DCAF1: variants seen among roughly 807,000 people sequenced by gnomAD.
DCAF1 encodes DDB1 and CUL4 associated factor 1, also known as DDB1- and CUL4-associated factor 1.
Under a neutral mutation model 128.0 loss-of-function variants are expected in DCAF1, and 15 were observed. The observed-to-expected ratio is 0.12, with a 90% CI of 0.08 to 0.18. The LOEUF is 0.18. Among genes scored for constraint, DCAF1 ranks in the 10% least tolerant of loss-of-function variants. The pLI is 1.00. For missense variants in DCAF1, 988 were observed against 1,649.5 expected, an observed-to-expected ratio of 0.60 and a Z score of 6.95; for synonymous variants, 610 against 603.0, an observed-to-expected ratio of 1.01 and a Z score of -0.17.
At chr3:51,485,901 T>A (rs1553655222) in intron 2 of DCAF1, among the ~76,000 whole-genome samples, 4 of 151,490 alleles carry the variant, frequency 2.6e-5, no homozygotes, top group African/African-American at 4.8e-5. Flanking sequence ...TTTTTTTTTT[T>A]TTTTTTTTTG....
intron 3 of DCAF1, among the ~76,000 whole-genome samples, chr3:51,474,817 C>G (rs1174490167): frequency 6.9e-6 from 1 of 145,706 alleles, no homozygotes; most frequent in Non-Finnish European, 1.5e-5. Flanking sequence ...TGGAGTCTCA[C>G]TCTGTCGCCC....
In DCAF1 at chr3:51,414,806, G is replaced by T. The variant is rs1698731949; in HGVS notation, c.3655C>A (p.Leu1219Ile). 1 of 1,614,050 alleles carries T rather than the reference G, an allele frequency of 6.2e-7. No homozygotes were observed. Among genetic ancestry groups the T allele is most frequent in the Non-Finnish European group, 8.5e-7 (1 of 1,179,906 alleles). Reference sequence around the variant, plus strand: ...CAGTTCCTCTTGTAGTTGTTGGCAAGATCTGGGTTAAACAGAGTCAACAGC... The same window carrying T: ...CAGTTCCTCTTGTAGTTGTTGGCAATATCTGGGTTAAACAGAGTCAACAGC... Reference protein sequence around the residue: ...NKLLTLFNPDLANNYKRNCAT... With the variant: ...NKLLTLFNPDIANNYKRNCAT... The change falls in exon 19 of 25, where the codon CTT (leucine) becomes ATT (isoleucine). Residue 1219 changes from leucine to isoleucine, a missense_variant. Physicochemically the swap from Leu to Ile is conservative, Grantham distance 5. Coordinates refer to ENST00000684031, the MANE Select transcript of DCAF1 (RefSeq NM_001387579.1).
Position 51,453,371 on chromosome 3 carries a change from T to C in DCAF1, c.376-9468A>G, listed in dbSNP as rs140470517. Among the ~76,000 whole-genome samples the C allele has an allele frequency of 3.0e-3, 462 of 152,210 alleles. 1 individual carries two copies. The highest frequency in any genetic ancestry group is 5.3e-3 in the Non-Finnish European group (363 of 68,004). ...GGCTGGGTGCAGTAGCTCATTCCTA[T>C]AATCCCAGCACTTTGGGAGGCTGAG... On this transcript the variant is annotated intron_variant, in intron 6 of 24. Transcript: ENST00000684031.
chr3:51,411,982 G>A (rs1698465380), intron 23 of DCAF1, among the ~76,000 whole-genome samples: 1 of 151,634 alleles, frequency 6.6e-6, no homozygotes. Context: ...GCGTGGTGGT[G>A]GGCACCTGTA....
chr3:51,454,205 G>C (rs1465624170), intron 6 of DCAF1, among the ~76,000 whole-genome samples: 4 of 152,084 alleles, frequency 2.6e-5, no homozygotes, highest in Admixed American at 2.6e-4. Flanking sequence ...ACCGTGCCCA[G>C]CTAATGATTT....
At chr3:51,489,927 G>C (rs1707438914) in intron 2 of DCAF1, among the ~76,000 whole-genome samples, 2 of 151,806 alleles carry the variant, frequency 1.3e-5, no homozygotes. Flanking sequence ...CCTGTATACA[G>C]AAAATCCTAA....
chr3:51,405,828 T>G (rs1001898319), intron 23 of DCAF1, among the ~76,000 whole-genome samples: 5 of 152,064 alleles, frequency 3.3e-5, no homozygotes, highest in Non-Finnish European at 7.3e-5. Context: ...AAGCTTCCAA[T>G]AATGAGTGGT....
At chr3:51,411,163 G>GAAAAA (rs1268364026) in intron 23 of DCAF1, among the ~76,000 whole-genome samples, 1 of 58,834 alleles carries the variant, frequency 1.7e-5, no homozygotes, top group Admixed American at 1.5e-4. Flanking sequence ...CTCCATCTCA[G>GAAAAA]AAAAAAAAAA....
chr3:51,445,668 A>C (rs1701782186), intron 6 of DCAF1, among the ~76,000 whole-genome samples: 1 of 152,216 alleles, frequency 6.6e-6, no homozygotes, highest in South Asian at 2.1e-4. Context: ...CAAGTATCTA[A>C]CATACAAACC....
intron 2 of DCAF1, among the ~76,000 whole-genome samples, chr3:51,488,697 G>A (rs1220884073): frequency 6.6e-6 from 1 of 152,168 alleles, no homozygotes; most frequent in Non-Finnish European, 1.5e-5. Context: ...CAGCTACTTG[G>A]GAGGGTGAGG....
chr3:51,420,875 T>C lies in DCAF1; in HGVS notation c.2095A>G (p.Ile699Val). 1.2e-6 allele frequency: 2 copies of C among 1,613,972 alleles called. No individual in the cohort carries two copies. The highest frequency in any genetic ancestry group is 8.5e-7 in the Non-Finnish European group (1 of 1,179,886). Residue 699 changes from isoleucine to valine, a missense_variant, in exon 15 of 25, where the codon ATT (isoleucine) becomes GTT (valine). By Grantham distance (29) the Ile-to-Val change is conservative. Around this residue, in one of 11 missense-constraint regions of DCAF1, gnomAD observed 185 missense variants for 248.1 expected, o/e 0.75. Coordinates refer to ENST00000684031, the MANE Select transcript of DCAF1 (RefSeq NM_001387579.1). This position sits in a 1 kb window ranked among gnomAD's most constrained non-coding sequence, Gnocchi z 6.5. The stretch of plus-strand genomic sequence containing the variant: ...GGAGTACCAGAGATAAATTTACCAA[T>C]ACTGGATATTCGGTTATCTGGGCCA... ...VCGPDNRISS[I>V]GKFISGTPRR...
rs993978286 is a variant in DCAF1 at position 51,398,544 on chromosome 3, G to C, written c.*225C>G. The C allele has an allele frequency of 1.4e-4, 76 of 536,526 alleles. No individual in the cohort carries two copies. The Middle Eastern group carries it at 3.8e-3, about 27-fold the overall frequency. 33.2% of individuals were successfully genotyped at this position (536,526 alleles called of 1,614,324 possible). On this transcript the variant is annotated 3_prime_UTR_variant, in exon 25 of 25. Transcript: ENST00000684031. Reference sequence around the variant, plus strand: ...AAATGGTGGGGGGTGGATGTGGGGGGTGCAGAGTAGGGCCTAGTCCCTGTT... The same window carrying C: ...AAATGGTGGGGGGTGGATGTGGGGGCTGCAGAGTAGGGCCTAGTCCCTGTT...
chr3:51,455,504 G>C (rs1258782764), intron 6 of DCAF1, among the ~76,000 whole-genome samples: 2 of 152,142 alleles, frequency 1.3e-5, no homozygotes, highest in Non-Finnish European at 2.9e-5. Context: ...TACTCAGGAG[G>C]CTGAGGTGGG....
chr3:51,469,457 C>T (rs376842265), intron 4 of DCAF1, among the ~76,000 whole-genome samples: 1 of 151,522 alleles, frequency 6.6e-6, no homozygotes, highest in Non-Finnish European at 1.5e-5. Flanking sequence ...CGCAAACTCC[C>T]GACCTCAGGT....
At position 51,413,268 on chromosome 3, in the gene DCAF1, C is replaced by T; in HGVS notation, c.4036+14G>A. 2 of 1,610,952 alleles carry T rather than the reference C, an allele frequency of 1.2e-6. No homozygotes were observed. Among genetic ancestry groups the T allele is most frequent in the Non-Finnish European group, 8.5e-7 (1 of 1,178,418 alleles). On this transcript the variant is annotated intron_variant, in intron 21 of 24. Coordinates refer to ENST00000684031, the MANE Select transcript of DCAF1 (RefSeq NM_001387579.1). ...ACACGACAAAATGTTCAATGTCTGT[C>T]CCTTTCTGCTTACCTATAGGTTTGT...
intron 11 of DCAF1, 50 bp downstream of exon 11, chr3:51,429,983 G>C: frequency 1.3e-6 from 1 of 762,996 alleles, no homozygotes; most frequent in African/African-American, 1.7e-5. Flanking sequence ...GGGCAGCCAA[G>C]ACAACCAGGA....
At chr3:51,492,477 A>C (rs139830700) in intron 2 of DCAF1, among the ~76,000 whole-genome samples, 1 of 151,978 alleles carries the variant, frequency 6.6e-6, no homozygotes, top group Non-Finnish European at 1.5e-5. Context: ...GATTACCCCA[A>C]TGCACACCGG....
At chr3:51,409,327 A>G (rs1698189492) in intron 23 of DCAF1, among the ~76,000 whole-genome samples, 1 of 152,092 alleles carries the variant, frequency 6.6e-6, no homozygotes, top group African/African-American at 2.4e-5. Context: ...CATGTCTGCA[A>G]GAATAAGGCG....
intron 6 of DCAF1, 81 bp downstream of exon 6, chr3:51,463,033 T>C (rs1388558305): frequency 3.3e-6 from 3 of 922,758 alleles, no homozygotes; most frequent in Admixed American, 3.6e-5. Flanking sequence ...ACTGTAACAA[T>C]GATTTTAACC....
Sources: gnomAD v4.1 joint callset for allele counts (sites outside exome capture counted in the v4.1 genomes callset) on GRCh38, gnomAD v4.1.1 for gene constraint, gnomAD v4.1.1 regional missense constraint, Gnocchi (gnomAD v3.1) non-coding constraint, MANE v1.5 for transcripts, NCBI Gene and HGNC (gene_info 2026-07-23, HGNC 2026-07-21) for gene names.